ZNF407: variants seen among roughly 807,000 people sequenced by gnomAD.
ZNF407 encodes zinc finger protein 407.
ZNF407 carries 17 observed loss-of-function variants against 131.2 expected under a neutral mutation model. That is an observed-to-expected ratio of 0.13 (90% CI 0.09 to 0.19). The LOEUF (loss-of-function observed/expected upper bound fraction) is 0.19. ZNF407 is among the 10% of genes least tolerant of loss of function. ZNF407 has a pLI of 1.00. For missense variants in ZNF407, 2,681 were observed against 2,830.6 expected (o/e 0.95, Z 1.20); for synonymous variants, 1,156 against 1,062.0 (o/e 1.09, Z -1.72).
At chr18:74,942,815 C>T (rs1191366405) in intron 8 of ZNF407, among the ~76,000 whole-genome samples, 1 of 152,142 alleles carries the variant, frequency 6.6e-6, no homozygotes, top group Non-Finnish European at 1.5e-5. Context: ...TTCTCATCTC[C>T]AGCATCTTAT....
intron 4 of ZNF407, among the ~76,000 whole-genome samples, chr18:74,829,744 C>T (rs577302432): frequency 6.8e-4 from 102 of 150,694 alleles, no homozygotes; most frequent in African/African-American, 2.4e-3. Flanking sequence ...TTTATAGCAT[C>T]TTTAAGATGT....
chr18:74,861,897 T>G (rs1260169955), intron 4 of ZNF407, among the ~76,000 whole-genome samples: 1 of 152,196 alleles, frequency 6.6e-6, no homozygotes, highest in African/African-American at 2.4e-5. Context: ...TGAGGATAAA[T>G]TGAAGTTTTT....
chr18:74,975,720 C>G (rs1025311892), intron 8 of ZNF407, among the ~76,000 whole-genome samples: 15 of 151,948 alleles, frequency 9.9e-5, no homozygotes, highest in African/African-American at 3.6e-4. Flanking sequence ...CTAATGAAAC[C>G]CTGATTTTTC....
intron 7 of ZNF407, among the ~76,000 whole-genome samples, chr18:74,892,875 G>A (rs1037825706): frequency 1.2e-4 from 18 of 152,064 alleles, no homozygotes; most frequent in Non-Finnish European, 2.6e-4. Context: ...CTAAGTCTGT[G>A]CATGTTCCAG....
chr18:74,726,273 A>G (rs981909979), intron 3 of ZNF407, among the ~76,000 whole-genome samples: 3 of 152,154 alleles, frequency 2.0e-5, no homozygotes, highest in African/African-American at 7.2e-5. Flanking sequence ...AGTCTAGTTT[A>G]ATTACAAGAC....
chr18:74,730,363 CTT>C (rs1339874430), intron 3 of ZNF407, among the ~76,000 whole-genome samples: 1 of 152,214 alleles, frequency 6.6e-6, no homozygotes, highest in East Asian at 1.9e-4. Context: ...TGGCCATCCT[CTT>C]TAAAAAATTA....
intron 3 of ZNF407, among the ~76,000 whole-genome samples, chr18:74,746,940 A>G (rs1968683358): frequency 6.6e-6 from 1 of 152,202 alleles, no homozygotes; most frequent in African/African-American, 2.4e-5. Flanking sequence ...TATATGTTTG[A>G]CAGCAAAGCT....
At chr18:74,843,182 T>A (rs1435270514) in intron 4 of ZNF407, among the ~76,000 whole-genome samples, 1 of 152,328 alleles carries the variant, frequency 6.6e-6, no homozygotes, top group East Asian at 1.9e-4. Flanking sequence ...ATATTTCTAT[T>A]TTTTGTAGTA....
intron 8 of ZNF407, among the ~76,000 whole-genome samples, chr18:75,005,474 A>G (rs1039435986): frequency 6.6e-6 from 1 of 152,112 alleles, no homozygotes; most frequent in Admixed American, 6.6e-5. Context: ...TTATTTCTTG[A>G]GAGATTTACA....
At chr18:74,785,189 G>T (rs17055562) in intron 4 of ZNF407, among the ~76,000 whole-genome samples, 2 of 151,924 alleles carry the variant, frequency 1.3e-5, no homozygotes, top group Non-Finnish European at 2.9e-5. Context: ...AAAACCTTAC[G>T]TATTTCTTCC....
chr18:74,933,013 A>C (rs572395322), intron 8 of ZNF407, among the ~76,000 whole-genome samples: 1 of 152,198 alleles, frequency 6.6e-6, no homozygotes, highest in Non-Finnish European at 1.5e-5. Context: ...ACGTAGAATT[A>C]CCGTATTATC....
At chr18:74,913,283 C>G (rs1971699041) in intron 7 of ZNF407, among the ~76,000 whole-genome samples, 1 of 152,104 alleles carries the variant, frequency 6.6e-6, no homozygotes, top group South Asian at 2.1e-4. Context: ...TTTATACTAG[C>G]AAATGATTGG....
chr18:74,682,519 G>T (rs1967008338), intron 3 of ZNF407, among the ~76,000 whole-genome samples: 1 of 152,138 alleles, frequency 6.6e-6, no homozygotes, highest in African/African-American at 2.4e-5. Context: ...ACATTTCTAG[G>T]CTAGTTTAGT....
chr18:74,643,702 C>T (rs1243686906), intron 3 of ZNF407, among the ~76,000 whole-genome samples: 2 of 151,946 alleles, frequency 1.3e-5, no homozygotes, highest in African/African-American at 2.4e-5. Context: ...ATTAATGTCT[C>T]AGATTATTTG....
At chr18:74,656,943 C>T (rs977211762) in intron 3 of ZNF407, among the ~76,000 whole-genome samples, 15 of 152,270 alleles carry the variant, frequency 9.9e-5, no homozygotes, top group Non-Finnish European at 4.4e-5. Context: ...TTGCTTATTA[C>T]TGTGCTTAAT....
At chr18:74,823,001 T>A (rs1480210679) in intron 4 of ZNF407, among the ~76,000 whole-genome samples, 1 of 152,226 alleles carries the variant, frequency 6.6e-6, no homozygotes, top group Admixed American at 6.5e-5. Context: ...TTAGTTGTAT[T>A]CCTAGGTATT....
intron 8 of ZNF407, among the ~76,000 whole-genome samples, chr18:74,955,077 T>C (rs1028702352): frequency 1.3e-5 from 2 of 151,284 alleles, no homozygotes; most frequent in African/African-American, 4.9e-5. Flanking sequence ...AAGTCAGTGT[T>C]TGAGGGGAGA....
chr18:74,609,517 A>T (rs993555386), intron 1 of ZNF407, among the ~76,000 whole-genome samples: 3 of 151,366 alleles, frequency 2.0e-5, no homozygotes, highest in Non-Finnish European at 4.4e-5. Context: ...TATAAAAGAT[A>T]AAAAAAAGGT....
At chr18:74,692,729 C>T (rs987297023) in intron 3 of ZNF407, among the ~76,000 whole-genome samples, 4 of 152,082 alleles carry the variant, frequency 2.6e-5, no homozygotes, top group African/African-American at 9.7e-5. Context: ...TTCTGTTCTT[C>T]TCAAAGATGT....
Sources: allele counts gnomAD v4.1 joint callset (sites outside exome capture counted in the v4.1 genomes callset), GRCh38; gene constraint gnomAD v4.1.1; transcripts MANE v1.5; gene names NCBI Gene and HGNC (gene_info 2026-07-23, HGNC 2026-07-21).